Variants in TADA2A observed in about 807,000 individuals in gnomAD.
TADA2A encodes transcriptional adapter 2-alpha.
TADA2A carries 38 observed loss-of-function variants against 67.4 expected under a neutral mutation model. The ratio of observed to expected loss-of-function variants is 0.56; its 90% CI spans 0.44 to 0.74. The LOEUF (loss-of-function observed/expected upper bound fraction) is 0.74. Among genes scored for constraint, TADA2A ranks in the 30% least tolerant of loss-of-function variants. TADA2A has a pLI of 0.00. For missense variants in TADA2A, 454 were observed against 547.0 expected (o/e 0.83, Z 1.70); for synonymous variants, 192 against 181.6 (o/e 1.06, Z -0.46).
At chr17:37,427,106 C>A in intron 4 of TADA2A, 97 bp downstream of exon 4, 2 of 1,006,140 alleles carry the variant, frequency 2.0e-6, no homozygotes, top group Non-Finnish European at 2.8e-6. Flanking sequence ...CTCTCTTGGA[C>A]TTCAGGGAAT....
rs559584097 is a variant in TADA2A, at chr17:37,423,012, G to A, written c.26-497G>A. On this transcript the variant is annotated intron_variant, in intron 2 of 15. Coordinates refer to ENST00000615182, the MANE Select transcript of TADA2A (RefSeq NM_001166105.3). ...CCAGAGCTTTGAGAGGCCAAGGCAG[G>A]AACATTCTTTGAACCTAAAAGTTCA... Among the ~76,000 whole-genome samples, 19 of 152,304 alleles carry A rather than the reference G, an allele frequency of 1.2e-4. No individual in the cohort carries two copies. In the South Asian group the frequency reaches 2.5e-3, roughly 20 times the overall value.
chr17:37,452,499 ATCCT>A lies in TADA2A; in HGVS notation c.605-6019_605-6016del, dbSNP rs149933350. Reference sequence around the variant, plus strand: ...TCTGGCTTTAACTGTTGACTTCCTAATCCTTCCTTTCTCTTAAGAGATAGAGTCC... The same window carrying A: ...TCTGGCTTTAACTGTTGACTTCCTAATCCTTTCTCTTAAGAGATAGAGTCC... On this transcript the variant is annotated intron_variant, in intron 8 of 15. Transcript: ENST00000615182. Among the ~76,000 whole-genome samples the A allele has an allele frequency of 2.9e-3, 439 of 152,264 alleles. 1 individual carries two copies. The highest frequency in any genetic ancestry group is 9.9e-3 in the African/African-American group (411 of 41,530).
At chr17:37,468,011 A>G (rs1364017630) in intron 12 of TADA2A, among the ~76,000 whole-genome samples, 2 of 151,898 alleles carry the variant, frequency 1.3e-5, no homozygotes, top group East Asian at 3.9e-4. Flanking sequence ...GAACCTGAGA[A>G]GCAGTTGTTG....
At chr17:37,416,649 G>A (rs2052056849) in intron 2 of TADA2A, among the ~76,000 whole-genome samples, 1 of 151,542 alleles carries the variant, frequency 6.6e-6, no homozygotes. Context: ...GGCAGATCAC[G>A]AGGTCAAGAG....
At chr17:37,435,504 G>A (rs939635759) in intron 4 of TADA2A, among the ~76,000 whole-genome samples, 1 of 152,086 alleles carries the variant, frequency 6.6e-6, no homozygotes, top group Admixed American at 6.5e-5. Context: ...TAGCCAAGAT[G>A]GTCTCGATCT....
At position 37,458,004 on chromosome 17, in the gene TADA2A, T is replaced by C. The variant is rs117143499; in HGVS notation, c.605-520T>C. The stretch of plus-strand genomic sequence containing the variant: ...TAAACTTGTATCATAGGGTTTGTTA[T>C]ACCGATTATTGCATCATCCAGGTAT... On this transcript the variant is annotated intron_variant, in intron 8 of 15. Transcript: ENST00000615182. Among the ~76,000 whole-genome samples, 314 of 152,332 alleles carry C rather than the reference T, an allele frequency of 2.1e-3. 2 individuals carry two copies. Among genetic ancestry groups the C allele is most frequent in the East Asian group, 0.014 (75 of 5,196 alleles).
intron 3 of TADA2A, chr17:37,426,720 C>T (rs2052421055): frequency 2.6e-6 from 1 of 384,688 alleles, no homozygotes. Flanking sequence ...TGGCCCACAC[C>T]TGTAATCTTA....
At chr17:37,441,379 C>T (rs1231738508) in intron 6 of TADA2A, among the ~76,000 whole-genome samples, 1 of 152,096 alleles carries the variant, frequency 6.6e-6, no homozygotes, top group Non-Finnish European at 1.5e-5. Flanking sequence ...CAGTATTTGA[C>T]TCATTATTAT....
rs200169209 is a variant in TADA2A, at chr17:37,470,433, G to A, written c.929G>A (p.Arg310Gln). Reference sequence around the variant, plus strand: ...ACCTACGATCACCTCAAGAAGACACGGGAGGAAGAGCGCCTTAAACGCACT... The same window carrying A: ...ACCTACGATCACCTCAAGAAGACACAGGAGGAAGAGCGCCTTAAACGCACT... Reference protein sequence around the residue: ...ARTYDHLKKTREEERLKRTML... With the variant: ...ARTYDHLKKTQEEERLKRTML... Residue 310 changes from arginine to glutamine, a missense_variant, in exon 13 of 16, where the codon CGG (arginine) becomes CAG (glutamine). Arg to Gln is a conservative substitution (Grantham distance 43, BLOSUM62 1). This residue lies in a region of TADA2A where 403 missense variants were observed against 455.5 expected (regional missense o/e 0.88). Transcript: ENST00000615182. The A allele has an allele frequency of 1.4e-5, 23 of 1,613,630 alleles. No homozygotes were observed. Among genetic ancestry groups the A allele is most frequent in the East Asian group, 6.7e-5 (3 of 44,832 alleles).
rs760092469 is a variant in TADA2A, at chr17:37,411,360, T to G, written c.-6T>G. Reference sequence around the variant, plus strand: ...GACCAAAGCAGCACTCGTTGCCAATTAGGGAATGGACCGTTTGGGTTCCTT... The same window carrying G: ...GACCAAAGCAGCACTCGTTGCCAATGAGGGAATGGACCGTTTGGGTTCCTT... On this transcript the variant is annotated 5_prime_UTR_variant, in exon 2 of 16. The change creates a new upstream start codon in the 5' untranslated region. Coordinates refer to ENST00000615182, the MANE Select transcript of TADA2A (RefSeq NM_001166105.3). 76 of 1,613,764 alleles carry G rather than the reference T, an allele frequency of 4.7e-5. No homozygotes were observed. Among genetic ancestry groups the G allele is most frequent in the Non-Finnish European group, 2.5e-6 (3 of 1,179,844 alleles).
intron 4 of TADA2A, among the ~76,000 whole-genome samples, chr17:37,432,233 C>T (rs1048610081): frequency 1.3e-5 from 2 of 151,870 alleles, no homozygotes; most frequent in Non-Finnish European, 2.9e-5. Context: ...TGCACAATCT[C>T]GGCTCACTGC....
intron 10 of TADA2A, among the ~76,000 whole-genome samples, chr17:37,465,006 G>A (rs868807999): frequency 1.4e-4 from 21 of 152,134 alleles, no homozygotes; most frequent in African/African-American, 4.8e-4. Context: ...AATTAGCTGG[G>A]TGTAGTGGCG....
chr17:37,410,004 A>G (rs1186183108), intron 1 of TADA2A, among the ~76,000 whole-genome samples: 1 of 152,028 alleles, frequency 6.6e-6, no homozygotes, highest in Non-Finnish European at 1.5e-5. Context: ...TGTCTCTCCT[A>G]AAAATACAAA....
intron 8 of TADA2A, among the ~76,000 whole-genome samples, chr17:37,445,681 A>G (rs891140712): frequency 4.6e-5 from 7 of 151,792 alleles, no homozygotes; most frequent in Admixed American, 4.6e-4. Context: ...TTAGACTTTG[A>G]GTCCCTTTTT....
At chr17:37,439,290 A>G (rs986953424) in intron 5 of TADA2A, among the ~76,000 whole-genome samples, 6 of 151,900 alleles carry the variant, frequency 3.9e-5, no homozygotes, top group Admixed American at 3.9e-4. Flanking sequence ...TATTATTATT[A>G]TTATTATTTG....
intron 4 of TADA2A, among the ~76,000 whole-genome samples, chr17:37,431,072 G>C (rs1336421094): frequency 6.6e-6 from 1 of 151,634 alleles, no homozygotes; most frequent in Non-Finnish European, 1.5e-5. Flanking sequence ...ATTAACAAAA[G>C]GTATAACAAG....
Position 37,462,088 on chromosome 17 carries a change from G to C in TADA2A, c.679G>C (p.Asp227His). The part of the protein sequence containing the change: ...ERQRRKKIIR[D>H]HGLINLRKFQ... The stretch of plus-strand genomic sequence containing the variant: ...GGCTTTTCATTCTAGAATTATAAGA[G>C]ACCATGGATTAATCAACCTTAGAAA... Residue 227 changes from aspartate (D) to histidine (H), a missense_variant, in exon 10 of 16, where the codon GAC (aspartate) becomes CAC (histidine). Around this residue, in one of 2 missense-constraint regions of TADA2A, gnomAD observed 403 missense variants for 455.5 expected, o/e 0.88. Transcript: ENST00000615182. 1.3e-6 allele frequency: 2 copies of C among 1,573,242 alleles called. No individual in the cohort carries two copies. Among genetic ancestry groups the C allele is most frequent in the Non-Finnish European group, 1.7e-6 (2 of 1,152,240 alleles).
intron 9 of TADA2A, among the ~76,000 whole-genome samples, chr17:37,461,260 G>A (rs975711752): frequency 3.3e-5 from 5 of 152,066 alleles, no homozygotes; most frequent in Admixed American, 1.3e-4. Flanking sequence ...CCTCTGACAG[G>A]AGGCAGAGTT....
At chr17:37,472,963 CTTTT>C (rs2053821511) in intron 14 of TADA2A, among the ~76,000 whole-genome samples, 4 of 151,716 alleles carry the variant, frequency 2.6e-5, no homozygotes, top group Admixed American at 2.0e-4. Flanking sequence ...TTCATTGTTT[CTTTT>C]TTCTTTTTTT....
Sources: gnomAD v4.1 joint callset for allele counts (sites outside exome capture counted in the v4.1 genomes callset) on GRCh38, gnomAD v4.1.1 for gene constraint, gnomAD v4.1.1 regional missense constraint, MANE v1.5 for transcripts, NCBI Gene and HGNC (gene_info 2026-07-23, HGNC 2026-07-21) for gene names.